NCAM1: variants seen among roughly 807,000 people sequenced by gnomAD.
The protein encoded by NCAM1 is neural cell adhesion molecule 1.
In NCAM1, 14 loss-of-function variants were observed where a neutral mutation model predicts 109.8. The ratio of observed to expected loss-of-function variants is 0.13; its 90% CI spans 0.08 to 0.20. NCAM1 has a LOEUF of 0.20. Among genes scored for constraint, NCAM1 ranks in the 10% least tolerant of loss-of-function variants. The pLI is 1.00. For synonymous variants in NCAM1, 418 were observed against 442.9 expected (o/e 0.94, Z 0.70); for missense variants, 774 against 1,109.9 (o/e 0.70, Z 4.30).
chr11:113,214,081 C>T (rs782275276), intron 7 of NCAM1, among the ~76,000 whole-genome samples: 1 of 152,250 alleles, frequency 6.6e-6, no homozygotes, highest in Non-Finnish European at 1.5e-5. Context: ...GCCGTTTCCT[C>T]TCGAAGGCTC....
Position 113,202,379 on chromosome 11 carries a change from T to G in NCAM1, c.53T>G (p.Val18Gly). The G allele has an allele frequency of 6.7e-7, 1 of 1,492,426 alleles. No individual in the cohort carries two copies. Among genetic ancestry groups the G allele is most frequent in the Non-Finnish European group, 9.2e-7 (1 of 1,082,418 alleles). 92.4% of individuals were successfully genotyped at this position (1,492,426 alleles called of 1,614,324 possible). A position where few individuals can be genotyped will look rare whatever the true frequency, so the allele number is the denominator to read the frequency against. The stretch of plus-strand genomic sequence containing the variant: ...GTTTTGTTTTGTTTTGTTTTTTCAG[T>G]TTCTCTGCAGGTGGATATTGTTCCC... Reference protein sequence around the residue: ...IWTLFFLGTAVSLQVDIVPSQ... With the variant: ...IWTLFFLGTAGSLQVDIVPSQ... Residue 18 changes from valine to glycine, a missense_variant and splice_region_variant, in exon 2 of 20, where the codon GTT (valine) becomes GGT (glycine). By Grantham distance (109) the Val-to-Gly change is moderately radical (BLOSUM62 -3). Transcript: ENST00000316851.
intron 1 of NCAM1, among the ~76,000 whole-genome samples, chr11:113,152,149 C>G (rs1418843212): frequency 6.6e-6 from 1 of 152,152 alleles, no homozygotes; most frequent in Non-Finnish European, 1.5e-5. Context: ...CTCATGGGAG[C>G]CTGGGGTGCT....
At chr11:113,243,571 CTGCTGTAACAT>C in intron 14 of NCAM1, 1 of 518,846 alleles carries the variant, frequency 1.9e-6, no homozygotes, top group South Asian at 1.4e-5. Flanking sequence ...CACAGAATCA[CTGCTGTAACAT>C]GTTCCAAGCT....
Position 113,274,842 on chromosome 11 carries a change from G to GCCCAC in NCAM1, c.2457-424_2457-423insCCACC, listed in dbSNP as rs1555126235. Among the ~76,000 whole-genome samples, 1 of 152,218 alleles carries GCCCAC rather than the reference G, an allele frequency of 6.6e-6. No homozygotes were observed. Among genetic ancestry groups the GCCCAC allele is most frequent in the Admixed American group, 6.5e-5 (1 of 15,284 alleles). On this transcript the variant is annotated intron_variant, in intron 19 of 19. Transcript: ENST00000316851. The surrounding 1 kb of genome is among the most constrained non-coding windows in gnomAD (Gnocchi z 4.1). The stretch of plus-strand genomic sequence containing the variant: ...AGTGCTGGGAGCCCAGCCCAGCCCA[G>GCCCAC]CAGGCTGCATTTACATCCAGCTGAG...
chr11:113,192,627 G>T (rs1271738072), intron 1 of NCAM1, among the ~76,000 whole-genome samples: 2 of 152,084 alleles, frequency 1.3e-5, no homozygotes, highest in Non-Finnish European at 2.9e-5. Context: ...GGTGAGACCG[G>T]GACAGAGCAG....
intron 1 of NCAM1, among the ~76,000 whole-genome samples, chr11:113,074,736 A>G (rs1555085820): frequency 6.6e-6 from 1 of 152,102 alleles, no homozygotes. Flanking sequence ...GGTTCAAGCG[A>G]TTCTGCTGCC....
At chr11:112,999,704 T>C (rs1273712090) in intron 1 of NCAM1, among the ~76,000 whole-genome samples, 1 of 152,182 alleles carries the variant, frequency 6.6e-6, no homozygotes, top group Admixed American at 6.5e-5. Context: ...TAAATCATGA[T>C]GTCATTTCCA....
chr11:113,233,456 A>G lies in NCAM1; in HGVS notation c.1693+139A>G. On this transcript the variant is annotated intron_variant, in intron 13 of 19. Coordinates refer to ENST00000316851, the MANE Select transcript of NCAM1 (RefSeq NM_181351.5). The surrounding 1 kb of genome is among the most constrained non-coding windows in gnomAD (Gnocchi z 4.5). The stretch of plus-strand genomic sequence containing the variant: ...TTAGGTCAAAGTCATATCTGCCTGT[A>G]GAGTTGTTGCCCCTATTGCCACCCC... 1 of 969,434 alleles carries G rather than the reference A, an allele frequency of 1.0e-6. No individual in the cohort carries two copies. Among genetic ancestry groups the G allele is most frequent in the South Asian group, 1.7e-5 (1 of 59,936 alleles). The allele number at this position is 969,434 out of a possible 1,614,324, so 60.1% of individuals were successfully genotyped here.
At chr11:113,080,076 T>C (rs1938720581) in intron 1 of NCAM1, among the ~76,000 whole-genome samples, 1 of 152,196 alleles carries the variant, frequency 6.6e-6, no homozygotes, top group Non-Finnish European at 1.5e-5. Context: ...AGATATCTGA[T>C]TGTGTTTCTG....
chr11:113,083,254 A>G (rs1329703595), intron 1 of NCAM1, among the ~76,000 whole-genome samples: 5 of 152,106 alleles, frequency 3.3e-5, no homozygotes, highest in African/African-American at 7.2e-5. Context: ...ATACACTATC[A>G]TCTCCTACTT....
chr11:112,974,811 TTG>T lies in NCAM1; in HGVS notation c.52+13167_52+13168del, dbSNP rs34881446. ...CTGCCACCCTCCTGTAGCTTACAGT[TTG>T]TGTGTGTGTGTGTGTGTGTATGTAT... On this transcript the variant is annotated intron_variant, in intron 1 of 19. Coordinates refer to ENST00000316851, the MANE Select transcript of NCAM1 (RefSeq NM_181351.5). Among the ~76,000 whole-genome samples, 520 of 148,346 alleles carry T rather than the reference TTG, an allele frequency of 3.5e-3. 6 individuals carry two copies. The East Asian group carries it at 0.046, about 13-fold the overall frequency.
chr11:113,272,661 G>A (rs1391053136), intron 19 of NCAM1, among the ~76,000 whole-genome samples: 3 of 152,126 alleles, frequency 2.0e-5, no homozygotes, highest in Non-Finnish European at 4.4e-5. Context: ...GGAGCTCTAT[G>A]CAGAGAGCTG....
At chr11:113,020,430 C>A (rs1004679629) in intron 1 of NCAM1, among the ~76,000 whole-genome samples, 1 of 152,140 alleles carries the variant, frequency 6.6e-6, no homozygotes, top group Non-Finnish European at 1.5e-5. Context: ...CGCTTCCCCA[C>A]CCACTCTCTT....
At chr11:113,169,896 A>C (rs1445759899) in intron 1 of NCAM1, among the ~76,000 whole-genome samples, 1 of 151,802 alleles carries the variant, frequency 6.6e-6, no homozygotes, top group African/African-American at 2.4e-5. Context: ...CAAAGTGGAG[A>C]GATATTTTTT....
At chr11:113,035,566 A>G (rs1952849088) in intron 1 of NCAM1, among the ~76,000 whole-genome samples, 2 of 152,152 alleles carry the variant, frequency 1.3e-5, no homozygotes, top group South Asian at 4.1e-4. Flanking sequence ...CCGCCACTGA[A>G]ATATTTTTTA....
chr11:113,025,719 CAAAA>C (rs57264295), intron 1 of NCAM1, among the ~76,000 whole-genome samples: 2 of 99,758 alleles, frequency 2.0e-5, no homozygotes, highest in Non-Finnish European at 2.2e-5. Context: ...CCACATCTCA[CAAAA>C]AAAAAAAAAA....
At chr11:113,262,800 T>C (rs1555123628) in intron 17 of NCAM1, 24 of 1,604,554 alleles carry the variant, frequency 1.5e-5, no homozygotes, top group Middle Eastern at 1.6e-4. Context: ...CATTTGTTTT[T>C]AAACAACCAC....
chr11:113,057,743 A>T (rs782801605), intron 1 of NCAM1, among the ~76,000 whole-genome samples: 1 of 152,232 alleles, frequency 6.6e-6, no homozygotes, highest in Non-Finnish European at 1.5e-5. Context: ...CTTACAAATT[A>T]AATAGAAAAT....
chr11:113,095,968 G>A (rs544993137), intron 1 of NCAM1, among the ~76,000 whole-genome samples: 1 of 152,302 alleles, frequency 6.6e-6, no homozygotes, highest in South Asian at 2.1e-4. Context: ...CTAGTATAAT[G>A]TCTGAGACAG....
Sources: allele counts gnomAD v4.1 joint callset (sites outside exome capture counted in the v4.1 genomes callset), GRCh38; gene constraint gnomAD v4.1.1; non-coding constraint Gnocchi (gnomAD v3.1); transcripts MANE v1.5; gene names NCBI Gene and HGNC (gene_info 2026-07-23, HGNC 2026-07-21).